The following SLC8A3 variants were observed in gnomAD, a reference collection of about 807,000 sequenced individuals.
SLC8A3 encodes sodium/calcium exchanger 3.
A neutral mutation model predicts 65.4 loss-of-function variants in SLC8A3; 37 were observed. The observed-to-expected ratio is 0.57, with a 90% confidence interval of 0.44 to 0.74. The LOEUF (loss-of-function observed/expected upper bound fraction) is 0.74, where lower values mean the gene tolerates loss of function less well. Ranked by LOEUF, SLC8A3 falls within the 30% of genes least tolerant of loss-of-function variation. SLC8A3 has a pLI of 0.00. For synonymous variants in SLC8A3, 461 were observed against 444.5 expected, an observed-to-expected ratio of 1.04 and a Z score of -0.47; for missense variants, 1,112 against 1,172.1, an observed-to-expected ratio of 0.95 and a Z score of 0.75.
chr14:70,113,413 T>C (rs4899327), intron 2 of SLC8A3, among the ~76,000 whole-genome samples: 150,569 of 152,298 alleles, frequency 0.99, 74,450 homozygotes, highest in East Asian at 1. Context: ...AAAGGACTAC[T>C]GTCACATATG....
intron 3 of SLC8A3, 68 bp from the exon 4 acceptor site, chr14:70,052,182 T>C: frequency 2.0e-6 from 3 of 1,516,268 alleles, no homozygotes; most frequent in East Asian, 2.3e-5. Flanking sequence ...CAGCTCAGAG[T>C]ATTAGGCATG....
chr14:70,174,588 C>G (rs949223430), intron 1 of SLC8A3, among the ~76,000 whole-genome samples: 1 of 148,340 alleles, frequency 6.7e-6, no homozygotes, highest in Admixed American at 6.7e-5. Flanking sequence ...GAAGAGGGGA[C>G]CAGGGAAAAG....
chr14:70,175,930 T>G (rs1897879896), intron 1 of SLC8A3, among the ~76,000 whole-genome samples: 1 of 152,182 alleles, frequency 6.6e-6, no homozygotes, highest in African/African-American at 2.4e-5. Context: ...AGGCATGATT[T>G]CACCATGTTA....
At chr14:70,099,848 T>A (rs1892448066) in intron 2 of SLC8A3, among the ~76,000 whole-genome samples, 1 of 152,168 alleles carries the variant, frequency 6.6e-6, no homozygotes, top group African/African-American at 2.4e-5. Flanking sequence ...CATCTGATAA[T>A]AAACTCCTAA....
intron 2 of SLC8A3, among the ~76,000 whole-genome samples, chr14:70,161,700 C>T (rs1474770388): frequency 1.3e-5 from 2 of 152,238 alleles, no homozygotes; most frequent in Non-Finnish European, 2.9e-5. Flanking sequence ...GGCAAATCAT[C>T]TCCCTCTGTG....
chr14:70,108,378 C>T (rs922479112), intron 2 of SLC8A3, among the ~76,000 whole-genome samples: 10 of 140,614 alleles, frequency 7.1e-5, no homozygotes, highest in Admixed American at 3.0e-4. Context: ...CCAGCCTGGG[C>T]GACAAAGCAA....
intron 1 of SLC8A3, among the ~76,000 whole-genome samples, chr14:70,180,515 G>A (rs79492047): frequency 0.066 from 9,996 of 152,148 alleles, 401 homozygotes; most frequent in Non-Finnish European, 0.086. Context: ...TCCCCTTGAG[G>A]TTGATTCCTC....
intron 2 of SLC8A3, among the ~76,000 whole-genome samples, chr14:70,137,900 G>C (rs1215071356): frequency 6.6e-6 from 1 of 150,834 alleles, no homozygotes; most frequent in African/African-American, 2.4e-5. Flanking sequence ...GGATGACTTA[G>C]CATGGCTTGT....
chr14:70,183,466 G>A (rs1280587021), intron 1 of SLC8A3, among the ~76,000 whole-genome samples: 1 of 152,090 alleles, frequency 6.6e-6, no homozygotes, highest in Non-Finnish European at 1.5e-5. Flanking sequence ...CAGCCTTCAC[G>A]GATCTCTCCA....
chr14:70,151,896 AG>A (rs111238792), intron 2 of SLC8A3, among the ~76,000 whole-genome samples: 5,398 of 152,024 alleles, frequency 0.036, 320 homozygotes, highest in African/African-American at 0.12. Context: ...TACCAGTCAT[AG>A]GATCTAGGGC....
At chr14:70,155,110 G>A (rs958953550) in intron 2 of SLC8A3, among the ~76,000 whole-genome samples, 3 of 151,748 alleles carry the variant, frequency 2.0e-5, no homozygotes, top group Admixed American at 6.6e-5. Context: ...TAGTAGAGAC[G>A]GGGTTTCACC....
chr14:70,073,031 C>G (rs1890152833), intron 2 of SLC8A3, among the ~76,000 whole-genome samples: 1 of 152,102 alleles, frequency 6.6e-6, no homozygotes, highest in South Asian at 2.1e-4. Context: ...CATTCCTCTG[C>G]TCACCCTGAG....
chr14:70,149,988 A>C (rs1341368774), intron 2 of SLC8A3, among the ~76,000 whole-genome samples: 4 of 152,196 alleles, frequency 2.6e-5, no homozygotes, highest in Non-Finnish European at 5.9e-5. Context: ...TCCTCCAGAC[A>C]GTACTCTGAC....
chr14:70,116,466 G>A (rs1241125102), intron 2 of SLC8A3, among the ~76,000 whole-genome samples: 1 of 152,164 alleles, frequency 6.6e-6, no homozygotes, highest in Non-Finnish European at 1.5e-5. Context: ...TCCAGATGCA[G>A]TGAGAGCTGG....
In SLC8A3 at chr14:70,064,055, C is replaced by T; in HGVS notation, c.1785-3116G>A. On this transcript the variant is annotated intron_variant, in intron 2 of 6. Transcript: ENST00000356921. ...GAAAGATCCAAGTTTGCCCCAACAC[C>T]ACAGGGGCACGGAGGAGAGTGGCTG... 6.6e-6 allele frequency: 4 copies of T among 609,302 alleles called. 1 individual carries two copies. In the South Asian group the frequency reaches 8.2e-5, roughly 12 times the overall value. 37.7% of individuals were successfully genotyped at this position (609,302 alleles called of 1,614,324 possible). A position where few individuals can be genotyped will look rare whatever the true frequency, so the allele number is the denominator to read the frequency against.
intron 2 of SLC8A3, among the ~76,000 whole-genome samples, chr14:70,084,603 C>T (rs991099928): frequency 2.0e-5 from 3 of 152,222 alleles, no homozygotes; most frequent in Non-Finnish European, 4.4e-5. Flanking sequence ...TTTTCCATCT[C>T]TCTCCAATGC....
At chr14:70,181,201 T>C (rs904617647) in intron 1 of SLC8A3, among the ~76,000 whole-genome samples, 5 of 152,164 alleles carry the variant, frequency 3.3e-5, no homozygotes, top group African/African-American at 9.7e-5. Context: ...AATTAGAACA[T>C]AACCTTTTAT....
chr14:70,168,605 G>T lies in SLC8A3; in HGVS notation c.-62-121C>A, dbSNP rs74062824. ...ACATATTGCACTAACATATGGGGCA[G>T]TCTCTCACTTGGAAAAATAGATGTC... On this transcript the variant is annotated intron_variant, in intron 1 of 6. Coordinates refer to ENST00000356921, the MANE Select transcript of SLC8A3 (RefSeq NM_182932.3). 1,120 of 579,682 alleles carry T rather than the reference G, an allele frequency of 1.9e-3. 15 individuals carry two copies. The highest frequency in any genetic ancestry group is 0.017 in the African/African-American group (907 of 53,752). 35.9% of individuals were successfully genotyped at this position (579,682 alleles called of 1,614,324 possible). A position where few individuals can be genotyped will look rare whatever the true frequency, so the allele number is the denominator to read the frequency against.
chr14:70,184,440 T>C (rs1270895548), intron 1 of SLC8A3, among the ~76,000 whole-genome samples: 1 of 152,226 alleles, frequency 6.6e-6, no homozygotes, highest in Non-Finnish European at 1.5e-5. Context: ...TCTTCAGTCA[T>C]TTGAAAGAGC....
Sources: allele counts gnomAD v4.1 joint callset (sites outside exome capture counted in the v4.1 genomes callset), GRCh38; gene constraint gnomAD v4.1.1; transcripts MANE v1.5; gene names NCBI Gene and HGNC (gene_info 2026-07-23, HGNC 2026-07-21).